Variants in SUSD5 observed in about 807,000 individuals in gnomAD.
SUSD5 encodes sushi domain containing 5.
A neutral mutation model predicts 29.5 loss-of-function variants in SUSD5; 33 were observed. The ratio of observed to expected loss-of-function variants is 1.12; its 90% CI spans 0.85 to 1.49. The LOEUF (loss-of-function observed/expected upper bound fraction) is 1.49, where lower values mean the gene tolerates loss of function less well. Ranked by LOEUF, SUSD5 falls within the 40% of genes most tolerant of loss-of-function variation. The pLI is 0.00. For missense variants in SUSD5, 776 were observed against 800.6 expected (o/e 0.97, Z 0.37); for synonymous variants, 308 against 325.3 (o/e 0.95, Z 0.57).
intron 1 of SUSD5, among the ~76,000 whole-genome samples, chr3:33,217,571 C>T (rs34904621): frequency 0.26 from 39,263 of 152,012 alleles, 5,128 homozygotes; most frequent in East Asian, 0.36. Flanking sequence ...AGAAATACGA[C>T]ATTCATCCTT....
intron 4 of SUSD5, among the ~76,000 whole-genome samples, chr3:33,165,625 T>C (rs1466882655): frequency 6.6e-6 from 1 of 152,172 alleles, no homozygotes; most frequent in Non-Finnish European, 1.5e-5. Context: ...TCAACTGATA[T>C]TCAGGAAGAA....
At chr3:33,189,259 C>A (rs2031841795) in intron 3 of SUSD5, among the ~76,000 whole-genome samples, 1 of 152,090 alleles carries the variant, frequency 6.6e-6, no homozygotes, top group African/African-American at 2.4e-5. Flanking sequence ...GTGGGTGGAT[C>A]ACGAGGTCAA....
At position 33,204,947 on chromosome 3, in the gene SUSD5, CT is replaced by C. The variant is rs2032188512; in HGVS notation, c.409+2860del. Among the ~76,000 whole-genome samples the C allele has an allele frequency of 1.3e-5, 2 of 152,088 alleles. No homozygotes were observed. Among genetic ancestry groups the C allele is most frequent in the Admixed American group, 1.3e-4 (2 of 15,268 alleles). On this transcript the variant is annotated intron_variant, in intron 3 of 4. Coordinates refer to ENST00000309558, the MANE Select transcript of SUSD5 (RefSeq NM_015551.2). This position sits in a 1 kb window ranked among gnomAD's most constrained non-coding sequence, Gnocchi z 4.5. ...TTTCCCCTTTTTGCTTTATCATTCT[CT>C]TCTCTCTCTTCCTCTCTCCACACCT...
chr3:33,199,214 TCACACACACACA>T (rs35522769), intron 3 of SUSD5, among the ~76,000 whole-genome samples: 4 of 147,886 alleles, frequency 2.7e-5, no homozygotes, highest in African/African-American at 7.5e-5. Flanking sequence ...GGGGAGAATT[TCACACACACACA>T]CACACACACA....
rs77013792 is a variant in SUSD5, at chr3:33,203,523, T to C, written c.409+4285A>G. Among the ~76,000 whole-genome samples, 52 of 152,326 alleles carry C rather than the reference T, an allele frequency of 3.4e-4. No individual in the cohort carries two copies. The South Asian group carries it at 5.2e-3, about 15-fold the overall frequency. On this transcript the variant is annotated intron_variant, in intron 3 of 4. Coordinates refer to ENST00000309558, the MANE Select transcript of SUSD5 (RefSeq NM_015551.2). ...TCTGGGACGCAGGGCCCTCGAGCAC[T>C]GTAACAGTGATGAACCACATATAAT...
chr3:33,192,993 G>A (rs1329038441), intron 3 of SUSD5, among the ~76,000 whole-genome samples: 1 of 100,832 alleles, frequency 9.9e-6, no homozygotes, highest in African/African-American at 3.4e-5. Context: ...CTTTTGCACT[G>A]AAGTACTTGT....
At chr3:33,214,264 T>A (rs2032382567) in intron 1 of SUSD5, among the ~76,000 whole-genome samples, 159 bp from the exon 2 acceptor site, 1 of 152,210 alleles carries the variant, frequency 6.6e-6, no homozygotes, top group Non-Finnish European at 1.5e-5. Flanking sequence ...CAGGTGATGA[T>A]AATTACACTA....
Position 33,153,080 on chromosome 3 carries a change from T to C in SUSD5, c.1552A>G (p.Thr518Ala). ...NHIPSTIMAT[T>A]QPPVETTVPE... The stretch of plus-strand genomic sequence containing the variant: ...ACAGTGGTTTCTACTGGAGGCTGGG[T>C]GGTTGCCATGATCGTTGAGGGGATG... Residue 518 changes from threonine (T) to alanine (A), a missense_variant, in exon 5 of 5, where the codon ACC (threonine) becomes GCC (alanine). Physicochemically the swap from Thr to Ala is moderately conservative, Grantham distance 58 (BLOSUM62 0). Coordinates refer to ENST00000309558, the MANE Select transcript of SUSD5 (RefSeq NM_015551.2). The C allele has an allele frequency of 6.2e-7, 1 of 1,613,658 alleles. No homozygotes were observed. Among genetic ancestry groups the C allele is most frequent in the Non-Finnish European group, 8.5e-7 (1 of 1,179,788 alleles).
intron 3 of SUSD5, among the ~76,000 whole-genome samples, chr3:33,203,071 C>T (rs918313924): frequency 1.3e-5 from 2 of 152,318 alleles, no homozygotes; most frequent in Non-Finnish European, 2.9e-5. Context: ...TACACTCACG[C>T]GGGAACCTCA....
chr3:33,168,609 G>A (rs2031356422), intron 4 of SUSD5: 1 of 984,824 alleles, frequency 1.0e-6, no homozygotes, highest in Non-Finnish European at 1.2e-6. Context: ...GCAGCACATA[G>A]CATGATGCAG....
chr3:33,181,333 A>G (rs932211281), intron 3 of SUSD5, among the ~76,000 whole-genome samples: 5 of 150,028 alleles, frequency 3.3e-5, no homozygotes, highest in Admixed American at 3.3e-4. Context: ...TAAATGCCCT[A>G]TACAGATGTA....
At chr3:33,180,478 A>G (rs1277017664) in intron 3 of SUSD5, among the ~76,000 whole-genome samples, 3 of 152,166 alleles carry the variant, frequency 2.0e-5, no homozygotes, top group Non-Finnish European at 4.4e-5. Context: ...CTCTTGCCCC[A>G]GTTTCCTGAA....
At chr3:33,210,549 T>C (rs1260529465) in intron 2 of SUSD5, among the ~76,000 whole-genome samples, 1 of 152,246 alleles carries the variant, frequency 6.6e-6, no homozygotes, top group Non-Finnish European at 1.5e-5. Flanking sequence ...TCTGGATTTA[T>C]GTGTACACTC....
chr3:33,171,196 A>T (rs2031418784), intron 4 of SUSD5, among the ~76,000 whole-genome samples: 1 of 152,072 alleles, frequency 6.6e-6, no homozygotes, highest in Non-Finnish European at 1.5e-5. Context: ...AAAAATACAA[A>T]ATTAGCCAGG....
At chr3:33,202,096 A>G (rs960727323) in intron 3 of SUSD5, among the ~76,000 whole-genome samples, 2 of 151,886 alleles carry the variant, frequency 1.3e-5, no homozygotes, top group African/African-American at 4.8e-5. Flanking sequence ...TCTATCATCT[A>G]TCTGAAGCAC....
chr3:33,174,768 A>G (rs1215590629), intron 4 of SUSD5, 118 bp downstream of exon 4: 2 of 1,164,876 alleles, frequency 1.7e-6, no homozygotes, highest in East Asian at 2.5e-5. Flanking sequence ...AAGGTCTGAA[A>G]GCCTCTTTTC....
Position 33,152,325 on chromosome 3 carries a change from CAGG to C in SUSD5, c.*414_*416del, listed in dbSNP as rs1312159905. 1.3e-5 allele frequency: 2 copies of C among 159,944 alleles called. No individual in the cohort carries two copies. Among genetic ancestry groups the C allele is most frequent in the African/African-American group, 4.8e-5 (2 of 41,426 alleles). 9.9% of individuals were successfully genotyped at this position (159,944 alleles called of 1,614,324 possible). ...ATCCCACCTACTTGGGAGGCTGAGG[CAGG>C]AGAATTGCTTGAACTTGGGAGGCAG... On this transcript the variant is annotated 3_prime_UTR_variant, in exon 5 of 5. Coordinates refer to ENST00000309558, the MANE Select transcript of SUSD5 (RefSeq NM_015551.2).
chr3:33,168,626 G>A lies in SUSD5; in HGVS notation c.598+6260C>T, dbSNP rs2031356865. 4 of 971,020 alleles carry A rather than the reference G, an allele frequency of 4.1e-6. No individual in the cohort carries two copies. The South Asian group carries it at 1.4e-4, about 35-fold the overall frequency. The allele number at this position is 971,020 out of a possible 1,614,324, so 60.2% of individuals were successfully genotyped here. A position where few individuals can be genotyped will look rare whatever the true frequency, so the allele number is the denominator to read the frequency against. On this transcript the variant is annotated intron_variant, in intron 4 of 4. Coordinates refer to ENST00000309558, the MANE Select transcript of SUSD5 (RefSeq NM_015551.2). ...AGCACATAGCATGATGCAGATATCAGGACAGGATATGCCTGGTTTTATTTT... is the reference window on the plus strand; with the variant it reads ...AGCACATAGCATGATGCAGATATCAAGACAGGATATGCCTGGTTTTATTTT...
intron 4 of SUSD5, among the ~76,000 whole-genome samples, chr3:33,165,936 A>C (rs183787938): frequency 6.7e-6 from 1 of 150,132 alleles, no homozygotes; most frequent in East Asian, 2.0e-4. Flanking sequence ...TGAACCCAGG[A>C]GTTCAAGACT....
Sources: allele counts gnomAD v4.1 joint callset (sites outside exome capture counted in the v4.1 genomes callset), GRCh38; gene constraint gnomAD v4.1.1; non-coding constraint Gnocchi (gnomAD v3.1); transcripts MANE v1.5; gene names NCBI Gene and HGNC (gene_info 2026-07-23, HGNC 2026-07-21).